ANKS1B: variants seen among roughly 807,000 people sequenced by gnomAD.
ANKS1B encodes the protein ankyrin repeat and sterile alpha motif domain containing 1B.
Under a neutral mutation model 148.3 loss-of-function variants are expected in ANKS1B, and 36 were observed. That is an observed-to-expected ratio of 0.24 (90% confidence interval 0.19 to 0.32). The LOEUF (loss-of-function observed/expected upper bound fraction) is 0.32. Among genes scored for constraint, ANKS1B ranks in the 10% least tolerant of loss-of-function variants. The pLI, the probability that ANKS1B is intolerant of heterozygous loss-of-function variation, is 1.00. For synonymous variants in ANKS1B, 542 were observed against 560.8 expected (o/e 0.97, Z 0.47); for missense variants, 1,157 against 1,542.6 (o/e 0.75, Z 4.19).
rs545244308 is a variant in ANKS1B at position 99,808,425 on chromosome 12, G to C, written c.373-1725C>G. 2.6e-5 allele frequency among the ~76,000 whole-genome samples: 4 copies of C among 152,170 alleles called. No individual in the cohort carries two copies. The East Asian group carries it at 7.7e-4, about 29-fold the overall frequency. ...AAGTATCAAGAGAGAGCATTTGAAG[G>C]TCAAACCCACAGGGAAAAATCTACT... On this transcript the variant is annotated intron_variant, in intron 3 of 26. Transcript: ENST00000683438.
intron 8 of ANKS1B, among the ~76,000 whole-genome samples, chr12:99,701,225 T>C (rs1393772270): frequency 1.3e-5 from 2 of 152,106 alleles, no homozygotes; most frequent in African/African-American, 4.8e-5. Flanking sequence ...TGCAAGTGGG[T>C]TTGCACTTTG....
chr12:98,799,658 C>A (rs2098983491), intron 21 of ANKS1B, among the ~76,000 whole-genome samples: 1 of 152,094 alleles, frequency 6.6e-6, no homozygotes, highest in African/African-American at 2.4e-5. Flanking sequence ...GAATTGCCAA[C>A]TACTTTGTTG....
At position 99,643,362 on chromosome 12, in the gene ANKS1B, T is replaced by C. The variant is rs548552018; in HGVS notation, c.1272+11705A>G. 6.6e-4 allele frequency among the ~76,000 whole-genome samples: 101 copies of C among 152,258 alleles called. 1 individual carries two copies. The highest frequency in any genetic ancestry group is 1.1e-3 in the Non-Finnish European group (73 of 68,024). ...GTTATTCGCTCCTAAAATTCAATGA[T>C]ATGACAAGTGTAGCGAAACAATTAT... On this transcript the variant is annotated intron_variant, in intron 9 of 26. Transcript: ENST00000683438.
intron 19 of ANKS1B, among the ~76,000 whole-genome samples, chr12:98,820,478 C>T (rs1034585334): frequency 1.3e-5 from 2 of 152,148 alleles, no homozygotes; most frequent in African/African-American, 4.8e-5. Flanking sequence ...TCGTAGAGCC[C>T]TGTGGTTTTA....
chr12:99,368,371 T>C (rs12297003), intron 12 of ANKS1B, among the ~76,000 whole-genome samples: 39,352 of 151,864 alleles, frequency 0.26, 5,525 homozygotes, highest in East Asian at 0.49. Flanking sequence ...ACCCCATGAA[T>C]CTAATATAAA....
chr12:99,824,366 G>GGT (rs2082893984), intron 2 of ANKS1B, among the ~76,000 whole-genome samples: 1 of 152,064 alleles, frequency 6.6e-6, no homozygotes, highest in Non-Finnish European at 1.5e-5. Context: ...CAGGCGTGGT[G>GGT]GTGGGCATCT....
At chr12:99,615,182 GACA>G (rs1307217488) in intron 9 of ANKS1B, among the ~76,000 whole-genome samples, 1 of 151,548 alleles carries the variant, frequency 6.6e-6, no homozygotes, top group African/African-American at 2.4e-5. Flanking sequence ...TACACAGACA[GACA>G]GACAGACAGA....
chr12:99,649,324 T>G lies in ANKS1B; in HGVS notation c.1272+5743A>C, dbSNP rs756902597. On this transcript the variant is annotated intron_variant, in intron 9 of 26. Transcript: ENST00000683438. ...GAAGTTTTGTGAAGAGAAGGAGCAATTCAGAATCAGTAGACTTCACATGAA... is the reference window on the plus strand; with the variant it reads ...GAAGTTTTGTGAAGAGAAGGAGCAAGTCAGAATCAGTAGACTTCACATGAA... The G allele has an allele frequency of 5.0e-6, 8 of 1,614,156 alleles. 1 individual carries two copies. In the South Asian group the frequency reaches 8.8e-5, roughly 18 times the overall value.
intron 12 of ANKS1B, among the ~76,000 whole-genome samples, chr12:99,331,320 A>G (rs546001157): frequency 2.7e-4 from 41 of 152,000 alleles, no homozygotes; most frequent in Non-Finnish European, 5.2e-4. Context: ...TAGTAGCAGT[A>G]AATGTCAAAA....
At chr12:99,474,457 T>A (rs2096285617) in intron 10 of ANKS1B, among the ~76,000 whole-genome samples, 1 of 152,066 alleles carries the variant, frequency 6.6e-6, no homozygotes, top group Non-Finnish European at 1.5e-5. Context: ...TTACATTAAA[T>A]ATAAGTAGAA....
At chr12:99,718,061 G>A (rs971842620) in intron 8 of ANKS1B, among the ~76,000 whole-genome samples, 2 of 151,474 alleles carry the variant, frequency 1.3e-5, no homozygotes, top group African/African-American at 2.4e-5. Context: ...CCGCTACCAC[G>A]CCCGGCTAAT....
At chr12:99,398,805 C>T (rs1475161653) in intron 12 of ANKS1B, among the ~76,000 whole-genome samples, 4 of 152,146 alleles carry the variant, frequency 2.6e-5, no homozygotes, top group Admixed American at 6.6e-5. Flanking sequence ...TGAACTTCCT[C>T]AAAGAGCAAT....
At chr12:99,703,304 C>T (rs891048732) in intron 8 of ANKS1B, among the ~76,000 whole-genome samples, 1 of 152,098 alleles carries the variant, frequency 6.6e-6, no homozygotes, top group African/African-American at 2.4e-5. Context: ...AATGCATTGA[C>T]TCTGATACTA....
At chr12:99,128,359 T>C (rs76825234) in intron 15 of ANKS1B, among the ~76,000 whole-genome samples, 6,688 of 152,274 alleles carry the variant, frequency 0.044, 489 homozygotes, top group African/African-American at 0.15. Context: ...ACAGTATTGC[T>C]AGTGTCCTGT....
intron 8 of ANKS1B, among the ~76,000 whole-genome samples, chr12:99,697,131 A>T (rs981303428): frequency 4.6e-5 from 7 of 152,196 alleles, no homozygotes; most frequent in African/African-American, 1.7e-4. Context: ...ATTACTGTGG[A>T]AGTGCAAAAT....
chr12:99,281,645 T>C (rs2078473663), intron 12 of ANKS1B, among the ~76,000 whole-genome samples: 1 of 152,218 alleles, frequency 6.6e-6, no homozygotes, highest in Non-Finnish European at 1.5e-5. Context: ...CCATAACTAG[T>C]ATATCAAACT....
intron 25 of ANKS1B, among the ~76,000 whole-genome samples, chr12:98,764,418 G>C (rs960972152): frequency 1.3e-5 from 2 of 151,816 alleles, no homozygotes; most frequent in African/African-American, 4.8e-5. Flanking sequence ...AGTAGAGATA[G>C]GGTTTCACCA....
intron 9 of ANKS1B, among the ~76,000 whole-genome samples, chr12:99,597,972 AC>A (rs751370650): frequency 1.3e-5 from 2 of 152,046 alleles, no homozygotes; most frequent in Non-Finnish European, 2.9e-5. Flanking sequence ...CTACCTCTGA[AC>A]CCAGTAAAAA....
At chr12:99,458,440 G>GA (rs147575113) in intron 10 of ANKS1B, among the ~76,000 whole-genome samples, 2,566 of 133,806 alleles carry the variant, frequency 0.019, 27 homozygotes, top group Middle Eastern at 0.042. Flanking sequence ...AAATGAAATT[G>GA]AAAAAAAAAA....
Sources: gnomAD v4.1 joint callset for allele counts (sites outside exome capture counted in the v4.1 genomes callset) on GRCh38, gnomAD v4.1.1 for gene constraint, MANE v1.5 for transcripts, NCBI Gene and HGNC (gene_info 2026-07-23, HGNC 2026-07-21) for gene names.